The following NAA11 variants were observed in gnomAD, a reference collection of about 807,000 sequenced individuals.
NAA11 encodes the protein N-alpha-acetyltransferase 11, NatA catalytic subunit.
In NAA11, 15 loss-of-function variants were observed where a neutral mutation model predicts 16.1. That is an observed-to-expected ratio of 0.93 (90% CI 0.62 to 1.44). The LOEUF (loss-of-function observed/expected upper bound fraction) is 1.44, where lower values mean the gene tolerates loss of function less well. Among genes scored for constraint, NAA11 ranks in the 40% most tolerant of loss-of-function variants. NAA11 has a pLI of 0.00. For synonymous variants in NAA11, 122 were observed against 112.4 expected (o/e 1.09, Z -0.54); for missense variants, 298 against 291.3 (o/e 1.02, Z -0.17).
chr4:79,304,827 C>CCCCTTGCCCTAGTATCTTGAGT (rs1723523593), intron 1 of NAA11, among the ~76,000 whole-genome samples: 1 of 152,068 alleles, frequency 6.6e-6, no homozygotes, highest in South Asian at 2.1e-4. Flanking sequence ...CCCTCTTGAG[C>CCCCTTGCCCTAGTATCTTGAGT]CCCTTGCCCT....
At chr4:79,203,174 A>C in the NAA11 span, among the ~76,000 whole-genome samples, 1 of 151,326 alleles carries the variant, frequency 6.6e-6, no homozygotes, top group African/African-American at 2.4e-5. Context: ...TCCAAGTCTC[A>C]AAAAAAAGGC....
chr4:79,241,213 T>G (rs1721687306), intron 2 of NAA11, among the ~76,000 whole-genome samples: 1 of 152,208 alleles, frequency 6.6e-6, no homozygotes, highest in Non-Finnish European at 1.5e-5. Flanking sequence ...ATGATTCACT[T>G]TCGCTTAAAT....
At chr4:79,173,872 C>A in the NAA11 span, among the ~76,000 whole-genome samples, 1 of 152,056 alleles carries the variant, frequency 6.6e-6, no homozygotes, top group African/African-American at 2.4e-5. Context: ...CCTAGGCTGG[C>A]CCTGGACCTG....
intron 2 of NAA11, among the ~76,000 whole-genome samples, chr4:79,234,239 ATC>A (rs202131918): frequency 1.3e-5 from 2 of 151,914 alleles, no homozygotes; most frequent in African/African-American, 2.4e-5. Flanking sequence ...ATTACCAATT[ATC>A]TCTCTCTCTC....
chr4:79,319,622 T>C (rs553700161), intron 1 of NAA11, among the ~76,000 whole-genome samples: 1 of 152,324 alleles, frequency 6.6e-6, no homozygotes, highest in African/African-American at 2.4e-5. Flanking sequence ...ATCCTACATG[T>C]ACATCATACA....
intron 1 of NAA11, among the ~76,000 whole-genome samples, chr4:79,296,786 A>G (rs926922264): frequency 2.6e-5 from 4 of 152,196 alleles, no homozygotes; most frequent in Admixed American, 6.5e-5. Flanking sequence ...AGAATGCCCT[A>G]TGATTTAACA....
At chr4:79,314,937 AAATT>A (rs1238706350), downstream of NAA11, among the ~76,000 whole-genome samples, 4 of 152,106 alleles carry the variant, frequency 2.6e-5, no homozygotes, top group Non-Finnish European at 2.9e-5. Context: ...ATTTTTATTG[AAATT>A]ATTAGGCCAT....
chr4:79,183,691 A>T, the NAA11 span, among the ~76,000 whole-genome samples: 2 of 151,520 alleles, frequency 1.3e-5, no homozygotes, highest in Non-Finnish European at 2.9e-5. Flanking sequence ...TCTGCCTGTC[A>T]TCTTTTTCTG....
chr4:79,266,432 G>A (rs1722346847), intron 2 of NAA11, among the ~76,000 whole-genome samples: 1 of 152,194 alleles, frequency 6.6e-6, no homozygotes, highest in Non-Finnish European at 1.5e-5. Flanking sequence ...ACTGCCTGAA[G>A]AGAGACAAAA....
chr4:79,200,405 A>G, the NAA11 span, among the ~76,000 whole-genome samples: 7 of 151,810 alleles, frequency 4.6e-5, no homozygotes, highest in Non-Finnish European at 1.0e-4. Flanking sequence ...GAAGGCATTC[A>G]GCAATGAATC....
chr4:79,177,808 A>G, the NAA11 span, among the ~76,000 whole-genome samples: 2 of 152,130 alleles, frequency 1.3e-5, no homozygotes, highest in African/African-American at 4.8e-5. Context: ...TTTCCCTCAC[A>G]TGAATTAAGA....
intron 1 of NAA11, among the ~76,000 whole-genome samples, chr4:79,305,974 G>A (rs1455259638): frequency 6.6e-6 from 1 of 152,136 alleles, no homozygotes. Flanking sequence ...TGAGGAATAT[G>A]CTTTCATGCT....
the NAA11 span, among the ~76,000 whole-genome samples, chr4:79,189,345 G>A: frequency 6.6e-6 from 1 of 151,932 alleles, no homozygotes; most frequent in African/African-American, 2.4e-5. Flanking sequence ...AACAATGTTG[G>A]GGTGTTTCTA....
chr4:79,299,071 G>C (rs958445127), intron 1 of NAA11: 4 of 152,182 alleles, frequency 2.6e-5, no homozygotes, highest in Admixed American at 2.6e-4. Context: ...GGAACACACA[G>C]AAAATCCATG....
chr4:79,200,998 T>C, the NAA11 span, among the ~76,000 whole-genome samples: 1 of 151,726 alleles, frequency 6.6e-6, no homozygotes, highest in East Asian at 1.9e-4. Context: ...TTTATGTTAA[T>C]AAAATTGTAA....
intron 2 of NAA11, among the ~76,000 whole-genome samples, chr4:79,293,592 T>G (rs1397775280): frequency 6.6e-6 from 1 of 152,202 alleles, no homozygotes; most frequent in Non-Finnish European, 1.5e-5. Flanking sequence ...TGGTTCAAAC[T>G]TGGCAAATTT....
intron 2 of NAA11, among the ~76,000 whole-genome samples, chr4:79,266,239 A>G (rs566080754): frequency 2.6e-5 from 4 of 152,324 alleles, no homozygotes; most frequent in South Asian, 2.1e-4. Context: ...CGGCACTCGC[A>G]GAGATAAATC....
rs1408178795 is a variant in NAA11, at chr4:79,246,374, TACTA to T, written c.*123-20108_*123-20105del. On this transcript the variant is annotated intron_variant and NMD_transcript_variant, in intron 2 of 2. Transcript: ENST00000511542. ...GAAACACCCAAGAATAATCAATAAA[TACTA>T]AAAAAAAAAAAAAAAAAAAAAGAAA... is the stretch of plus-strand genomic sequence containing the variant. Among the ~76,000 whole-genome samples, 8 of 11,854 alleles carry T rather than the reference TACTA, an allele frequency of 6.7e-4. No homozygotes were observed. The East Asian group carries it at 0.023, about 34-fold the overall frequency. The allele number at this position is 11,854 out of a possible 152,430, so 7.8% of individuals were successfully genotyped here.
At chr4:79,239,810 G>A (rs1721650248) in intron 2 of NAA11, among the ~76,000 whole-genome samples, 1 of 152,182 alleles carries the variant, frequency 6.6e-6, no homozygotes, top group Non-Finnish European at 1.5e-5. Flanking sequence ...TAGTCAGGAG[G>A]ATAAGATGAC....
Sources: allele counts gnomAD v4.1 joint callset (sites outside exome capture counted in the v4.1 genomes callset), GRCh38; gene constraint gnomAD v4.1.1; transcripts MANE v1.5; gene names NCBI Gene and HGNC (gene_info 2026-07-23, HGNC 2026-07-21).